Variants in KCNH8 observed in about 807,000 individuals in gnomAD.
KCNH8 encodes the protein voltage-gated delayed rectifier potassium channel KCNH8.
In KCNH8, 70 loss-of-function variants were observed where a neutral mutation model predicts 103.6. The observed-to-expected ratio is 0.68, with a 90% CI of 0.56 to 0.82. The LOEUF (loss-of-function observed/expected upper bound fraction) is 0.82. Among genes scored for constraint, KCNH8 ranks in the 40% least tolerant of loss-of-function variants. KCNH8 has a pLI of 0.00. For missense variants in KCNH8, 1,217 were observed against 1,329.9 expected (o/e 0.92, Z 1.32); for synonymous variants, 498 against 489.4 (o/e 1.02, Z -0.23).
chr3:19,295,805 GA>G (rs1011646156), intron 3 of KCNH8, among the ~76,000 whole-genome samples: 9 of 152,044 alleles, frequency 5.9e-5, no homozygotes, highest in East Asian at 3.9e-4. Flanking sequence ...TGCCAGTGGG[GA>G]AAAAAACAGA....
At chr3:19,196,015 T>A (rs1054899237) in intron 1 of KCNH8, among the ~76,000 whole-genome samples, 1 of 151,982 alleles carries the variant, frequency 6.6e-6, no homozygotes, top group Non-Finnish European at 1.5e-5. Context: ...TTTCCTTTTT[T>A]AAAAAAATTA....
intron 3 of KCNH8, among the ~76,000 whole-genome samples, chr3:19,312,611 G>A (rs926550645): frequency 4.6e-5 from 7 of 151,850 alleles, no homozygotes; most frequent in East Asian, 1.9e-4. Context: ...ACAGCTTCTC[G>A]TCATGTAATA....
intron 7 of KCNH8, among the ~76,000 whole-genome samples, chr3:19,419,402 G>T (rs1047795423): frequency 6.6e-6 from 1 of 151,066 alleles, no homozygotes; most frequent in Non-Finnish European, 1.5e-5. Context: ...GGGTTTCACC[G>T]TGTTAGCCAG....
intron 2 of KCNH8, among the ~76,000 whole-genome samples, chr3:19,257,770 T>C (rs2064364919): frequency 6.6e-6 from 1 of 152,068 alleles, no homozygotes; most frequent in Non-Finnish European, 1.5e-5. Context: ...GGGTTACCAT[T>C]ATAAAGTACC....
At chr3:19,494,383 G>T (rs538525301) in intron 11 of KCNH8, among the ~76,000 whole-genome samples, 2 of 151,698 alleles carry the variant, frequency 1.3e-5, no homozygotes, top group Admixed American at 6.6e-5. Context: ...GATGGCCAAT[G>T]ATTTTGAAAA....
rs374380735 is a variant in KCNH8 at position 19,152,662 on chromosome 3, G to A, written c.76+3867G>A. Among the ~76,000 whole-genome samples, 5 of 152,302 alleles carry A rather than the reference G, an allele frequency of 3.3e-5. No individual in the cohort carries two copies. In the South Asian group the frequency reaches 6.2e-4, roughly 19 times the overall value. On this transcript the variant is annotated intron_variant, in intron 1 of 15. Transcript: ENST00000328405. ...AAATTTGTTAAAATTGATGCTGGGC[G>A]CAGTGGCTCACGCCTGTAATCCCAG...
intron 1 of KCNH8, among the ~76,000 whole-genome samples, chr3:19,200,950 G>A (rs1036057117): frequency 6.6e-6 from 1 of 151,354 alleles, no homozygotes; most frequent in Non-Finnish European, 1.5e-5. Context: ...TAGTATATAC[G>A]GCCGGGCGCT....
At position 19,342,724 on chromosome 3, in the gene KCNH8, A is replaced by T; in HGVS notation, c.570+10A>T. The T allele has an allele frequency of 6.3e-7, 1 of 1,598,088 alleles. No individual in the cohort carries two copies. Among genetic ancestry groups the T allele is most frequent in the Admixed American group, 1.7e-5 (1 of 59,372 alleles). On this transcript the variant is annotated intron_variant, in intron 4 of 15. Transcript: ENST00000328405. ...ATTGAAAATAAATAACGTAGGTGGT[A>T]TGTGTGTACAGGATGAATGCTAGTG...
chr3:19,318,191 CA>C (rs1451769149), intron 3 of KCNH8, among the ~76,000 whole-genome samples: 1 of 151,822 alleles, frequency 6.6e-6, no homozygotes, highest in African/African-American at 2.4e-5. Context: ...AACAGACAAG[CA>C]GAGAGCCAAA....
Position 19,204,426 on chromosome 3 carries a change from G to C in KCNH8, c.77-49228G>C, listed in dbSNP as rs982527758. 2.6e-5 allele frequency among the ~76,000 whole-genome samples: 4 copies of C among 151,560 alleles called. No homozygotes were observed. The Middle Eastern group carries it at 0.01, about 387-fold the overall frequency. ...CTCTCTTGCTGGGAGTGGGGGAAGAGAGAGAGAGAGAGAGTGTCTGTGTGT... is the reference window on the plus strand; with the variant it reads ...CTCTCTTGCTGGGAGTGGGGGAAGACAGAGAGAGAGAGAGTGTCTGTGTGT... On this transcript the variant is annotated intron_variant, in intron 1 of 15. Transcript: ENST00000328405.
At chr3:19,311,530 T>C (rs1037332326) in intron 3 of KCNH8, among the ~76,000 whole-genome samples, 9 of 151,760 alleles carry the variant, frequency 5.9e-5, no homozygotes, top group African/African-American at 1.9e-4. Context: ...GTGTATGTCA[T>C]AGACATTTTT....
At chr3:19,392,814 T>C (rs1215992806) in intron 6 of KCNH8, among the ~76,000 whole-genome samples, 1 of 151,994 alleles carries the variant, frequency 6.6e-6, no homozygotes, top group Non-Finnish European at 1.5e-5. Flanking sequence ...GGAATGTTGA[T>C]AGAGTAGAAA....
Position 19,266,601 on chromosome 3 carries a change from T to C in KCNH8, c.310+12714T>C, listed in dbSNP as rs117781444. Among the ~76,000 whole-genome samples, 172 of 152,224 alleles carry C rather than the reference T, an allele frequency of 1.1e-3. No individual in the cohort carries two copies. In the East Asian group the frequency reaches 0.028, roughly 25 times the overall value. On this transcript the variant is annotated intron_variant, in intron 2 of 15. Transcript: ENST00000328405. The stretch of plus-strand genomic sequence containing the variant: ...ATGTTTGAGGGTGACATTGGTACCA[T>C]ATTAATCTTGTTATCTACAGTGCCT...
chr3:19,390,284 T>C (rs1380984273), intron 5 of KCNH8, among the ~76,000 whole-genome samples, 197 bp from the exon 6 acceptor site: 1 of 152,056 alleles, frequency 6.6e-6, no homozygotes, highest in Non-Finnish European at 1.5e-5. Flanking sequence ...ATTTTGGATA[T>C]TATCAATCTG....
intron 2 of KCNH8, among the ~76,000 whole-genome samples, chr3:19,272,684 A>C (rs2064605836): frequency 6.6e-6 from 1 of 152,178 alleles, no homozygotes; most frequent in Non-Finnish European, 1.5e-5. Context: ...ATTAATATTC[A>C]AAAGCAACAT....
chr3:19,227,202 CT>C (rs1377924919), intron 1 of KCNH8, among the ~76,000 whole-genome samples: 1 of 152,240 alleles, frequency 6.6e-6, no homozygotes, highest in East Asian at 1.9e-4. Context: ...CCCCTCTGTG[CT>C]TTCTTCTTTA....
chr3:19,201,578 C>A (rs2063663674), intron 1 of KCNH8, among the ~76,000 whole-genome samples: 1 of 152,034 alleles, frequency 6.6e-6, no homozygotes, highest in Admixed American at 6.6e-5. Flanking sequence ...TTCTACTCCA[C>A]CAGCTGCTAT....
At chr3:19,299,799 A>G (rs951495338) in intron 3 of KCNH8, among the ~76,000 whole-genome samples, 1 of 152,048 alleles carries the variant, frequency 6.6e-6, no homozygotes, top group African/African-American at 2.4e-5. Flanking sequence ...TGACACATCA[A>G]TAACTTTATA....
At chr3:19,489,538 G>A (rs2068276651) in intron 11 of KCNH8, among the ~76,000 whole-genome samples, 1 of 152,046 alleles carries the variant, frequency 6.6e-6, no homozygotes, top group Admixed American at 6.6e-5. Context: ...TCCTTCTGAT[G>A]GCCAACGTAC....
Sources: allele counts gnomAD v4.1 joint callset (sites outside exome capture counted in the v4.1 genomes callset), GRCh38; gene constraint gnomAD v4.1.1; transcripts MANE v1.5; gene names NCBI Gene and HGNC (gene_info 2026-07-23, HGNC 2026-07-21).